Variants in PPARGC1A observed in about 807,000 individuals in gnomAD.
The protein encoded by PPARGC1A is PPARG coactivator 1 alpha, also known as peroxisome proliferator-activated receptor gamma coactivator 1-alpha.
A neutral mutation model predicts 88.7 loss-of-function variants in PPARGC1A; 25 were observed. The observed-to-expected ratio is 0.28, with a 90% confidence interval of 0.21 to 0.39. The LOEUF is 0.39. Among genes scored for constraint, PPARGC1A ranks in the 10% least tolerant of loss-of-function variants. The pLI is 1.00. For missense variants in PPARGC1A, 880 were observed against 968.7 expected, an observed-to-expected ratio of 0.91 and a Z score of 1.22; for synonymous variants, 363 against 355.6, an observed-to-expected ratio of 1.02 and a Z score of -0.24.
At chr4:23,815,637 C>T (rs1721841800) in intron 7 of PPARGC1A, among the ~76,000 whole-genome samples, 1 of 152,090 alleles carries the variant, frequency 6.6e-6, no homozygotes, top group Non-Finnish European at 1.5e-5. Flanking sequence ...GTTGAGTTTT[C>T]CCCCAAGTAA....
intron 2 of PPARGC1A, among the ~76,000 whole-genome samples, chr4:23,847,511 C>T (rs1391241484): frequency 1.3e-5 from 2 of 152,184 alleles, no homozygotes; most frequent in African/African-American, 4.8e-5. Context: ...ACAATGACTA[C>T]TGCCATCAGA....
At chr4:24,047,505 C>G in the PPARGC1A span, among the ~76,000 whole-genome samples, 1 of 152,292 alleles carries the variant, frequency 6.6e-6, no homozygotes, top group South Asian at 2.1e-4. Flanking sequence ...TATAAGGTAG[C>G]ACCATTCTTG....
intron 2 of PPARGC1A, among the ~76,000 whole-genome samples, chr4:23,866,929 C>T (rs576626746): frequency 6.7e-4 from 102 of 152,184 alleles, no homozygotes; most frequent in African/African-American, 2.3e-3. Context: ...CATTGAACTG[C>T]GGAGTGCAAT....
chr4:24,153,671 T>C, the PPARGC1A span, among the ~76,000 whole-genome samples: 2,519 of 152,334 alleles, frequency 0.017, 73 homozygotes, highest in African/African-American at 0.057. Flanking sequence ...TTTCCCCATG[T>C]TCTTCATTCA....
the PPARGC1A span, among the ~76,000 whole-genome samples, chr4:24,123,028 C>T: frequency 1.3e-5 from 2 of 151,920 alleles, no homozygotes; most frequent in South Asian, 2.1e-4. Flanking sequence ...TGTGTGTGTG[C>T]ATGTGTGTGC....
the PPARGC1A span, among the ~76,000 whole-genome samples, chr4:24,256,584 G>T: frequency 6.6e-6 from 1 of 152,138 alleles, no homozygotes; most frequent in Non-Finnish European, 1.5e-5. Flanking sequence ...TTTTCACTCT[G>T]ACAGTTACTT....
chr4:24,134,196 C>T, the PPARGC1A span, among the ~76,000 whole-genome samples: 1 of 152,182 alleles, frequency 6.6e-6, no homozygotes. Flanking sequence ...TGCAATAAAC[C>T]CCATATCAAA....
chr4:24,124,735 T>C, the PPARGC1A span, among the ~76,000 whole-genome samples: 1 of 152,246 alleles, frequency 6.6e-6, no homozygotes, highest in African/African-American at 2.4e-5. Context: ...ACTAAATTAC[T>C]AATCAATATC....
the PPARGC1A span, among the ~76,000 whole-genome samples, chr4:24,194,318 C>T: frequency 1.4e-3 from 216 of 152,136 alleles, no homozygotes; most frequent in African/African-American, 5.0e-3. Flanking sequence ...ATTAAATAAC[C>T]AGACAGAGAG....
the PPARGC1A span, among the ~76,000 whole-genome samples, chr4:24,024,529 G>A: frequency 6.6e-6 from 1 of 152,092 alleles, no homozygotes; most frequent in African/African-American, 2.4e-5. Flanking sequence ...TTTCTCAACA[G>A]CCTTGTCATA....
At chr4:23,918,672 G>A in the PPARGC1A span, among the ~76,000 whole-genome samples, 36,232 of 152,014 alleles carry the variant, frequency 0.24, 5,164 homozygotes, top group African/African-American at 0.38. Context: ...TGGTCAGGAA[G>A]ATCTTTTTAC....
intron 2 of PPARGC1A, among the ~76,000 whole-genome samples, chr4:23,877,542 A>G (rs1336149745): frequency 7.4e-6 from 1 of 134,602 alleles, no homozygotes; most frequent in African/African-American, 2.5e-5. Flanking sequence ...CATCTCAAAA[A>G]AAAAAAAAAA....
At chr4:23,901,369 CAAAA>C (rs766239228), upstream of PPARGC1A, among the ~76,000 whole-genome samples, 8 of 71,734 alleles carry the variant, frequency 1.1e-4, no homozygotes, top group South Asian at 5.1e-4. Context: ...GACTCCGTCT[CAAAA>C]AAAAAAAAAA....
the PPARGC1A span, among the ~76,000 whole-genome samples, chr4:24,098,353 T>C: frequency 6.6e-6 from 1 of 152,220 alleles, no homozygotes; most frequent in Non-Finnish European, 1.5e-5. Flanking sequence ...CATTTATATG[T>C]TTTAAGCAAA....
chr4:23,953,252 T>C, the PPARGC1A span, among the ~76,000 whole-genome samples: 10 of 152,270 alleles, frequency 6.6e-5, no homozygotes, highest in Admixed American at 2.6e-4. Flanking sequence ...AAGACATGTT[T>C]GGTCAACTAA....
At chr4:24,388,217 C>A in the PPARGC1A span, among the ~76,000 whole-genome samples, 5 of 150,722 alleles carry the variant, frequency 3.3e-5, no homozygotes, top group Admixed American at 6.6e-5. Flanking sequence ...ATGTGGCCAA[C>A]AAACATATGA....
At chr4:24,471,777 GC>G in the PPARGC1A span, among the ~76,000 whole-genome samples, 1 of 152,254 alleles carries the variant, frequency 6.6e-6, no homozygotes, top group Admixed American at 6.5e-5. This position sits in a 1 kb window ranked among gnomAD's most constrained non-coding sequence, Gnocchi z 5.4. Flanking sequence ...GTGCTTCTGT[GC>G]CCCAGGGGAG....
At chr4:24,204,425 A>C in the PPARGC1A span, among the ~76,000 whole-genome samples, 1 of 152,066 alleles carries the variant, frequency 6.6e-6, no homozygotes, top group Middle Eastern at 3.2e-3. Flanking sequence ...TATTTGTTGA[A>C]TAAATTAAAA....
the PPARGC1A span, among the ~76,000 whole-genome samples, chr4:24,191,454 C>T: frequency 1.5e-4 from 23 of 152,252 alleles, no homozygotes; most frequent in Admixed American, 1.2e-3. Flanking sequence ...TAAGCCAATG[C>T]TTTTTCCATT....
Sources: gnomAD v4.1 joint callset for allele counts (sites outside exome capture counted in the v4.1 genomes callset) on GRCh38, gnomAD v4.1.1 for gene constraint, Gnocchi (gnomAD v3.1) non-coding constraint, MANE v1.5 for transcripts, NCBI Gene and HGNC (gene_info 2026-07-23, HGNC 2026-07-21) for gene names.